Variants in LARP1B observed in about 807,000 individuals in gnomAD.
LARP1B encodes la-related protein 1B.
LARP1B carries 76 observed loss-of-function variants against 114.2 expected under a neutral mutation model. That is an observed-to-expected ratio of 0.67 (90% CI 0.55 to 0.81). LARP1B has a LOEUF of 0.81. Ranked by LOEUF, LARP1B falls within the 30% of genes least tolerant of loss-of-function variation. LARP1B has a pLI of 0.00. For synonymous variants in LARP1B, 345 were observed against 348.0 expected, an observed-to-expected ratio of 0.99 and a Z score of 0.10; for missense variants, 1,014 against 1,075.8, an observed-to-expected ratio of 0.94 and a Z score of 0.80.
At chr4:128,104,500 A>G (rs985613794) in intron 8 of LARP1B, among the ~76,000 whole-genome samples, 2 of 151,876 alleles carry the variant, frequency 1.3e-5, no homozygotes, top group African/African-American at 4.8e-5. Context: ...CTGGAGTTGT[A>G]CTGACCTGAT....
intron 1 of LARP1B, chr4:128,068,951 T>A (rs1764131586): frequency 1.7e-6 from 1 of 576,896 alleles, no homozygotes; most frequent in Non-Finnish European, 3.0e-6. Flanking sequence ...AAATAATACC[T>A]GTAAGCAGAC....
At chr4:128,138,910 T>C (rs1208604566) in intron 11 of LARP1B, among the ~76,000 whole-genome samples, 2 of 152,120 alleles carry the variant, frequency 1.3e-5, no homozygotes, top group African/African-American at 2.4e-5. Context: ...GCCGAGATCA[T>C]GCCACTTCAC....
intron 7 of LARP1B, chr4:128,093,170 T>C: frequency 7.0e-6 from 2 of 286,970 alleles, no homozygotes; most frequent in Non-Finnish European, 1.0e-5. Context: ...TGGCTTGTTA[T>C]TATTATTACC....
At chr4:128,114,132 T>G (rs1785026004) in intron 9 of LARP1B, among the ~76,000 whole-genome samples, 1 of 152,214 alleles carries the variant, frequency 6.6e-6, no homozygotes, top group African/African-American at 2.4e-5. Context: ...GGCTTTAGTA[T>G]AGACCCTAGT....
chr4:128,108,036 C>T, intron 9 of LARP1B: 4 of 1,489,046 alleles, frequency 2.7e-6, no homozygotes, highest in Non-Finnish European at 3.6e-6. Context: ...AATGTCTATT[C>T]CCACCTCTTG....
At position 128,062,337 on chromosome 4, in the gene LARP1B, C is replaced by T. The variant is rs1007198258; in HGVS notation, c.-78+936C>T. The T allele has an allele frequency of 6.6e-6, 6 of 905,196 alleles. No individual in the cohort carries two copies. The African/African-American group carries it at 9.0e-5, about 14-fold the overall frequency. The allele number at this position is 905,196 out of a possible 1,614,324, so 56.1% of individuals were successfully genotyped here. A position where few individuals can be genotyped will look rare whatever the true frequency, so the allele number is the denominator to read the frequency against. On this transcript the variant is annotated intron_variant, in intron 1 of 19. Coordinates refer to ENST00000326639, the MANE Select transcript of LARP1B (RefSeq NM_018078.4). The stretch of plus-strand genomic sequence containing the variant: ...GCCCGGGTAACGGCAGGCCTCCCCT[C>T]CCTGTCAGTCGGAGGTAATTTGTTC...
At position 128,178,431 on chromosome 4, in the gene LARP1B, A is replaced by C. The variant is rs1160833821; in HGVS notation, c.1685A>C (p.Asp562Ala). Residue 562 changes from aspartate to alanine, a missense_variant and splice_region_variant, in exon 14 of 20, where the codon GAT becomes GCT. By Grantham distance (126) the Asp-to-Ala change is moderately radical (BLOSUM62 -2). Coordinates refer to ENST00000326639, the MANE Select transcript of LARP1B (RefSeq NM_018078.4). ...VQGVLHIPKK[D>A]LTDELAQKLF... ...ATTTTAAGAGTTTTTTATTTTGCAG[A>C]TTTGACTGATGAATTAGCTCAGAAG... The C allele has an allele frequency of 2.5e-6, 4 of 1,607,184 alleles. No individual in the cohort carries two copies. The highest frequency in any genetic ancestry group is 3.3e-4 in the Middle Eastern group (2 of 6,054).
In LARP1B at chr4:128,082,198, A is replaced by C; in HGVS notation, c.251A>C (p.Asp84Ala). 1 of 1,612,570 alleles carries C rather than the reference A, an allele frequency of 6.2e-7. No homozygotes were observed. The highest frequency in any genetic ancestry group is 8.5e-7 in the Non-Finnish European group (1 of 1,179,966). ...CACAAGTGGGTACCACTCCACTTAG[A>C]TGTTGTAAGATCAGAGAGTCAAGAA... is the stretch of plus-strand genomic sequence containing the variant. ...NKHKWVPLHLDVVRSESQERP... is the reference protein window; with the variant it reads ...NKHKWVPLHLAVVRSESQERP... The change falls in exon 5 of 20, where the codon GAT becomes GCT. Residue 84 changes from aspartate to alanine, a missense_variant. Coordinates refer to ENST00000326639, the MANE Select transcript of LARP1B (RefSeq NM_018078.4).
intron 3 of LARP1B, 89 bp from the exon 4 acceptor site, chr4:128,077,699 A>T (rs908547673): frequency 7.5e-7 from 1 of 1,334,386 alleles, no homozygotes; most frequent in African/African-American, 1.5e-5. Context: ...TTGTTTTGCA[A>T]TTTTAGGTTA....
intron 5 of LARP1B, among the ~76,000 whole-genome samples, chr4:128,089,119 AG>A (rs1212084180): frequency 6.6e-6 from 1 of 151,928 alleles, no homozygotes; most frequent in Non-Finnish European, 1.5e-5. Context: ...GTCACAACTG[AG>A]GGAGTGAGTG....
At chr4:128,122,774 A>T in intron 11 of LARP1B, 2 of 1,162,968 alleles carry the variant, frequency 1.7e-6, no homozygotes, top group Non-Finnish European at 1.1e-6. Context: ...TCTTGTTCTA[A>T]TTTTTTTTAA....
chr4:128,207,373 T>C lies in LARP1B; in HGVS notation c.2537T>C (p.Phe846Ser). The change falls in exon 19 of 20, where the codon TTC becomes TCC. Residue 846 changes from phenylalanine to serine, a missense_variant. Transcript: ENST00000326639. ...TGTAGTTTTAAGAGGTTAGAAGACTTCCGTGTTGATGTAAGTTTTAAGTCA... is the reference window on the plus strand; with the variant it reads ...TGTAGTTTTAAGAGGTTAGAAGACTCCCGTGTTGATGTAAGTTTTAAGTCA... ...YLCSFKRLED[F>S]RVDPPISDEF... 1 of 1,512,008 alleles carries C rather than the reference T, an allele frequency of 6.6e-7. No individual in the cohort carries two copies. The highest frequency in any genetic ancestry group is 8.9e-7 in the Non-Finnish European group (1 of 1,129,398). 93.7% of individuals were successfully genotyped at this position (1,512,008 alleles called of 1,614,324 possible).
intron 15 of LARP1B, among the ~76,000 whole-genome samples, chr4:128,186,714 T>C (rs951674851): frequency 3.9e-5 from 6 of 152,164 alleles, no homozygotes; most frequent in Non-Finnish European, 7.4e-5. Flanking sequence ...TTCCAGATCT[T>C]AGAGGAAAGG....
intron 9 of LARP1B, chr4:128,108,548 C>G: frequency 1.0e-6 from 1 of 985,614 alleles, no homozygotes; most frequent in Non-Finnish European, 1.2e-6. Flanking sequence ...CAGTCTCACA[C>G]TATTTTTATC....
chr4:128,082,077 T>C, intron 4 of LARP1B, 88 bp from the exon 5 acceptor site: 5 of 1,195,786 alleles, frequency 4.2e-6, no homozygotes, highest in Non-Finnish European at 6.1e-6. Flanking sequence ...GTGTTTCACT[T>C]ATTTGATTAA....
intron 12 of LARP1B, among the ~76,000 whole-genome samples, chr4:128,166,929 A>C: frequency 2.3e-5 from 2 of 85,720 alleles, no homozygotes; most frequent in African/African-American, 9.6e-5. Context: ...ATTATATTCT[A>C]TTCTCTCTCT....
chr4:128,089,815 G>C (rs1464925457), intron 5 of LARP1B, among the ~76,000 whole-genome samples: 1 of 151,594 alleles, frequency 6.6e-6, no homozygotes, highest in African/African-American at 2.4e-5. Context: ...TCTATGCCCA[G>C]GCTGGAGTGC....
intron 17 of LARP1B, among the ~76,000 whole-genome samples, chr4:128,204,073 C>T (rs1208344169): frequency 2.0e-5 from 3 of 152,052 alleles, no homozygotes; most frequent in Non-Finnish European, 4.4e-5. Flanking sequence ...GAATAGTTTG[C>T]TAAGAAATAA....
chr4:128,214,475 C>T (rs1759380787), downstream of LARP1B, among the ~76,000 whole-genome samples: 2 of 151,866 alleles, frequency 1.3e-5, no homozygotes, highest in Non-Finnish European at 2.9e-5. Flanking sequence ...CAGACTGCCT[C>T]CTCAAGTGGG....
Sources: gnomAD v4.1 joint callset for allele counts (sites outside exome capture counted in the v4.1 genomes callset) on GRCh38, gnomAD v4.1.1 for gene constraint, MANE v1.5 for transcripts, NCBI Gene and HGNC (gene_info 2026-07-23, HGNC 2026-07-21) for gene names.